The following RPA2 variants were observed in gnomAD, a reference collection of about 807,000 sequenced individuals.
RPA2 encodes replication protein A2.
RPA2 carries 22 observed loss-of-function variants against 33.4 expected under a neutral mutation model. The observed-to-expected ratio is 0.66, with a 90% CI of 0.47 to 0.94. RPA2 has a LOEUF of 0.94. Ranked by LOEUF, RPA2 falls within the 40% of genes least tolerant of loss-of-function variation. The probability of loss-of-function intolerance (pLI) is 0.00; values close to 1 mark genes in which losing one functional copy is unlikely to be tolerated. For synonymous variants in RPA2, 109 were observed against 114.9 expected (o/e 0.95, Z 0.33); for missense variants, 279 against 329.9 (o/e 0.85, Z 1.19).
chr1:27,914,641 T>A (rs2090147846), upstream of RPA2: 1 of 1,613,890 alleles, frequency 6.2e-7, no homozygotes, highest in South Asian at 1.1e-5. Context: ...GCTACGCTTG[T>A]TCCTGTCTCC....
chr1:27,914,763 CA>C, upstream of RPA2: 1 of 1,299,482 alleles, frequency 7.7e-7, no homozygotes, highest in South Asian at 1.3e-5. Flanking sequence ...AAGGGGCTGG[CA>C]GAGCGGTATC....
At chr1:27,892,925 C>G (rs2089842889) in intron 8 of RPA2, among the ~76,000 whole-genome samples, 1 of 152,164 alleles carries the variant, frequency 6.6e-6, no homozygotes, top group African/African-American at 2.4e-5. Flanking sequence ...TCACAAGCAC[C>G]ATAAGTCAGT....
chr1:27,901,411 G>C (rs546447613), intron 4 of RPA2, among the ~76,000 whole-genome samples: 1 of 151,860 alleles, frequency 6.6e-6, no homozygotes, highest in African/African-American at 2.4e-5. Context: ...TGCCCAGGCT[G>C]GAGTGCAATG....
At chr1:27,908,851 A>C (rs1350897767) in intron 2 of RPA2, among the ~76,000 whole-genome samples, 3 of 152,200 alleles carry the variant, frequency 2.0e-5, no homozygotes, top group Admixed American at 6.5e-5. Flanking sequence ...TTTGCCTACC[A>C]GTGGCAAGAG....
chr1:27,907,757 A>G (rs977331308), intron 2 of RPA2, among the ~76,000 whole-genome samples: 2 of 148,464 alleles, frequency 1.3e-5, no homozygotes, highest in Non-Finnish European at 2.9e-5. Flanking sequence ...TGTAAAAGGT[A>G]GAAGAATAGC....
intron 4 of RPA2, among the ~76,000 whole-genome samples, chr1:27,899,019 G>A (rs2089928417): frequency 6.6e-6 from 1 of 151,968 alleles, no homozygotes. Flanking sequence ...ACCAGCCTGG[G>A]CAACATAGTG....
intron 4 of RPA2, among the ~76,000 whole-genome samples, chr1:27,906,171 A>T (rs993673170): frequency 1.3e-5 from 2 of 151,856 alleles, no homozygotes; most frequent in African/African-American, 4.8e-5. Context: ...GGAGTTTGAG[A>T]CTAGCCTGGC....
At chr1:27,910,463 A>C (rs1349701835) in intron 2 of RPA2, among the ~76,000 whole-genome samples, 2 of 152,214 alleles carry the variant, frequency 1.3e-5, no homozygotes, top group Non-Finnish European at 1.5e-5. Context: ...AGGAATTCCT[A>C]GTCTGCTCCA....
Position 27,914,542 on chromosome 1 carries a change from T to C in RPA2, c.-99A>G. The C allele has an allele frequency of 2.5e-6, 4 of 1,610,558 alleles. No individual in the cohort carries two copies. In the South Asian group the frequency reaches 4.4e-5, roughly 18 times the overall value. On this transcript the variant is annotated 5_prime_UTR_variant, in exon 1 of 9. Transcript: ENST00000373912. ...GCCGCCACTGCGCCGCTCTGGCTAC[T>C]TTTCTCTGGCACCACAAACGCCTTC... is the stretch of plus-strand genomic sequence containing the variant.
intron 4 of RPA2, among the ~76,000 whole-genome samples, chr1:27,902,322 C>G (rs1385141991): frequency 2.7e-5 from 4 of 150,390 alleles, no homozygotes; most frequent in African/African-American, 4.9e-5. Flanking sequence ...GCTCTGTTGC[C>G]CAGGCTGGAG....
intron 6 of RPA2, 122 bp downstream of exon 6, chr1:27,896,883 G>T: frequency 1.5e-6 from 1 of 648,014 alleles, no homozygotes; most frequent in African/African-American, 1.8e-5. Context: ...AGTGTTCTGA[G>T]GACTTAGTGA....
At chr1:27,903,864 TAAAAAAA>T (rs34163774) in intron 4 of RPA2, among the ~76,000 whole-genome samples, 3 of 92,844 alleles carry the variant, frequency 3.2e-5, no homozygotes, top group Non-Finnish European at 6.4e-5. Flanking sequence ...TGTCTCTATT[TAAAAAAA>T]AAAAAAAAAA....
intron 5 of RPA2, among the ~76,000 whole-genome samples, 173 bp downstream of exon 5, chr1:27,897,460 A>G (rs2089907212): frequency 7.2e-6 from 1 of 138,108 alleles, no homozygotes; most frequent in South Asian, 2.2e-4. Flanking sequence ...TGTTAATTTC[A>G]TGTTAAGGTT....
intron 6 of RPA2, among the ~76,000 whole-genome samples, chr1:27,895,592 G>A (rs183994306): frequency 1.1e-4 from 16 of 150,924 alleles, no homozygotes; most frequent in African/African-American, 3.7e-4. Flanking sequence ...GCAGCCGGGT[G>A]TGGTGGTGGG....
At chr1:27,914,349 A>G in intron 1 of RPA2, 85 bp downstream of exon 1, 1 of 1,613,416 alleles carries the variant, frequency 6.2e-7, no homozygotes, top group Admixed American at 1.7e-5. Flanking sequence ...TCCCGCTACC[A>G]CACGCCTCTC....
chr1:27,893,232 G>A (rs900614664), intron 8 of RPA2, among the ~76,000 whole-genome samples: 2 of 152,194 alleles, frequency 1.3e-5, no homozygotes, highest in African/African-American at 4.8e-5. Flanking sequence ...GTGATGGGTA[G>A]CACCATTTTG....
chr1:27,899,513 G>GAAAAAAAAAAAAAAAAAAAAAAA (rs67126026), intron 4 of RPA2, among the ~76,000 whole-genome samples: 9 of 107,556 alleles, frequency 8.4e-5, no homozygotes, highest in African/African-American at 1.1e-4. Flanking sequence ...AAAAAAAAAA[G>GAAAAAAAAAAAAAAAAAAAAAAA]AAAAAAAAAA....
intron 4 of RPA2, among the ~76,000 whole-genome samples, chr1:27,898,972 AC>A (rs1438394839): frequency 1.3e-5 from 2 of 152,170 alleles, no homozygotes; most frequent in African/African-American, 2.4e-5. Flanking sequence ...CTTTAGGAGG[AC>A]AAGGCAGGAG....
At chr1:27,894,788 C>CT (rs2089868978) in intron 6 of RPA2, among the ~76,000 whole-genome samples, 4 of 152,108 alleles carry the variant, frequency 2.6e-5, no homozygotes, top group Admixed American at 2.0e-4. Flanking sequence ...GACACAGTCC[C>CT]TATCGTCCTC....
Sources: gnomAD v4.1 joint callset for allele counts (sites outside exome capture counted in the v4.1 genomes callset) on GRCh38, gnomAD v4.1.1 for gene constraint, MANE v1.5 for transcripts, NCBI Gene and HGNC (gene_info 2026-07-23, HGNC 2026-07-21) for gene names.